The following DNMT3A variants were observed in gnomAD, a reference collection of about 807,000 sequenced individuals.
The protein encoded by DNMT3A is DNA (cytosine-5)-methyltransferase 3A.
In DNMT3A, 267 loss-of-function variants were observed where a neutral mutation model predicts 117.6. That is an observed-to-expected ratio of 2.27 (90% CI 2.05 to 2.51). The LOEUF is 2.51. Ranked by LOEUF, DNMT3A falls within the 30% of genes most tolerant of loss-of-function variation. The probability of loss-of-function intolerance (pLI) is 0.00; values close to 1 mark genes in which losing one functional copy is unlikely to be tolerated. For synonymous variants in DNMT3A, 432 were observed against 474.8 expected (o/e 0.91, Z 1.17); for missense variants, 1,029 against 1,260.2 (o/e 0.82, Z 2.78).
At chr2:25,321,891 A>G (rs2034611669) in intron 1 of DNMT3A, among the ~76,000 whole-genome samples, 1 of 152,250 alleles carries the variant, frequency 6.6e-6, no homozygotes, top group African/African-American at 2.4e-5. Flanking sequence ...TCTCAAAACA[A>G]TCAACAACAA....
Position 25,306,754 on chromosome 2 carries a change from T to TA in DNMT3A, c.73-6512dup, listed in dbSNP as rs909281050. ...CACAAGGCCAGACACAGGGGTGCAC[T>TA]AAAAAAATCTATTGAGCACCTACTG... On this transcript the variant is annotated intron_variant, in intron 2 of 22. Coordinates refer to ENST00000321117, the MANE Select transcript of DNMT3A (RefSeq NM_022552.5). The surrounding 1 kb of genome is among the most constrained non-coding windows in gnomAD (Gnocchi z 4.1). 5.3e-5 allele frequency among the ~76,000 whole-genome samples: 8 copies of TA among 152,136 alleles called. No homozygotes were observed. The highest frequency in any genetic ancestry group is 1.9e-4 in the African/African-American group (8 of 41,412).
In DNMT3A at chr2:25,230,657, G is replaced by T; in HGVS notation, c.*3622C>A. ...TCCCCAGAGGCCCCAGCGTTGAGGTGGATTAAGCATATCTCAGCTTGGCCA... is the reference window on the plus strand; with the variant it reads ...TCCCCAGAGGCCCCAGCGTTGAGGTTGATTAAGCATATCTCAGCTTGGCCA... On this transcript the variant is annotated 3_prime_UTR_variant, in exon 23 of 23. Coordinates refer to ENST00000321117, the MANE Select transcript of DNMT3A (RefSeq NM_022552.5). The T allele has an allele frequency of 6.6e-6, 1 of 152,526 alleles. No individual in the cohort carries two copies. 9.4% of individuals were successfully genotyped at this position (152,526 alleles called of 1,614,324 possible).
chr2:25,247,835 C>T lies in DNMT3A; in HGVS notation c.856-86G>A. ...CCCCCATGGCAACCCCAGCCCTGGG[C>T]ATCTGGGGGGCAGGACAGCCAGGAG... On this transcript the variant is annotated intron_variant, in intron 7 of 22. Coordinates refer to ENST00000321117, the MANE Select transcript of DNMT3A (RefSeq NM_022552.5). This position sits in a 1 kb window ranked among gnomAD's most constrained non-coding sequence, Gnocchi z 5.6. 1 of 1,562,164 alleles carries T rather than the reference C, an allele frequency of 6.4e-7. No individual in the cohort carries two copies. Among genetic ancestry groups the T allele is most frequent in the Non-Finnish European group, 8.6e-7 (1 of 1,157,742 alleles).
At chr2:25,248,475 C>T (rs1304486986) in intron 6 of DNMT3A, among the ~76,000 whole-genome samples, 1 of 152,218 alleles carries the variant, frequency 6.6e-6, no homozygotes, top group Non-Finnish European at 1.5e-5. Flanking sequence ...TTTTAGGAAA[C>T]CTTCCTCCCA....
chr2:25,273,695 C>T (rs2031144605), intron 6 of DNMT3A, among the ~76,000 whole-genome samples: 1 of 152,168 alleles, frequency 6.6e-6, no homozygotes, highest in African/African-American at 2.4e-5. Context: ...TGGCTGAAGC[C>T]CTCCACGGGC....
chr2:25,235,926 A>AG lies in DNMT3A; in HGVS notation c.2479-102dup. On this transcript the variant is annotated intron_variant, in intron 21 of 22. Coordinates refer to ENST00000321117, the MANE Select transcript of DNMT3A (RefSeq NM_022552.5). The stretch of plus-strand genomic sequence containing the variant: ...TGCCAGGTACTCGCCAAACCCTGAC[A>AG]GGGCCTGGTCCACCCAGGGGGCTGG... 3 of 1,118,744 alleles carry AG rather than the reference A, an allele frequency of 2.7e-6. No individual in the cohort carries two copies. In the South Asian group the frequency reaches 3.7e-5, roughly 14 times the overall value. 69.3% of individuals were successfully genotyped at this position (1,118,744 alleles called of 1,614,324 possible).
chr2:25,282,498 C>G lies in DNMT3A; in HGVS notation c.391G>C (p.Ala131Pro). 2.5e-6 allele frequency: 4 copies of G among 1,613,464 alleles called. No homozygotes were observed. The highest frequency in any genetic ancestry group is 3.4e-6 in the Non-Finnish European group (4 of 1,179,930). ...GGGGTGCAGCAGCCATTTTCCACTGCTCTTGAGGCTTCAGGCAGGGTCTCA... is the reference window on the plus strand; with the variant it reads ...GGGGTGCAGCAGCCATTTTCCACTGGTCTTGAGGCTTCAGGCAGGGTCTCA... Reference protein sequence around the residue: ...AAETLPEASRAVENGCCTPKE... With the variant: ...AAETLPEASRPVENGCCTPKE... The change falls in exon 4 of 23, where the codon GCA becomes CCA. Residue 131 changes from alanine (A) to proline (P), a missense_variant. By Grantham distance (27) the Ala-to-Pro change is conservative (BLOSUM62 -1). Transcript: ENST00000321117. The surrounding 1 kb of genome is among the most constrained non-coding windows in gnomAD (Gnocchi z 5.2).
chr2:25,317,992 C>A (rs1013341591), intron 1 of DNMT3A, among the ~76,000 whole-genome samples: 1 of 152,220 alleles, frequency 6.6e-6, no homozygotes, highest in African/African-American at 2.4e-5. Context: ...ACGTCAGCCT[C>A]CCAAAGTGCT....
chr2:25,281,480 G>A lies in DNMT3A; in HGVS notation c.448+961C>T. 1 of 1,052,060 alleles carries A rather than the reference G, an allele frequency of 9.5e-7. No individual in the cohort carries two copies. Among genetic ancestry groups the A allele is most frequent in the East Asian group, 5.4e-5 (1 of 18,574 alleles). 65.2% of individuals were successfully genotyped at this position (1,052,060 alleles called of 1,614,324 possible). ...GTTTGGAAATTTGTATTCTGGAAATGTTCTCTATCCTGCATGAACATTAGG... is the reference window on the plus strand; with the variant it reads ...GTTTGGAAATTTGTATTCTGGAAATATTCTCTATCCTGCATGAACATTAGG... On this transcript the variant is annotated intron_variant, in intron 4 of 22. Coordinates refer to ENST00000321117, the MANE Select transcript of DNMT3A (RefSeq NM_022552.5). This position sits in a 1 kb window ranked among gnomAD's most constrained non-coding sequence, Gnocchi z 4.8.
chr2:25,325,126 G>A (rs1002282086), intron 1 of DNMT3A, among the ~76,000 whole-genome samples: 2 of 151,508 alleles, frequency 1.3e-5, no homozygotes, highest in Non-Finnish European at 2.9e-5. Context: ...CCATGACACA[G>A]CCCCAAAAGT....
At chr2:25,244,491 G>T in intron 14 of DNMT3A, 49 bp downstream of exon 14, 1 of 1,604,856 alleles carries the variant, frequency 6.2e-7, no homozygotes, top group African/African-American at 1.3e-5. Context: ...TGGGCGGCGG[G>T]AGCCTGGGGC....
rs1672924759 is a variant in DNMT3A, at chr2:25,232,554, G to A, written c.*1725C>T. 1 of 152,640 alleles carries A rather than the reference G, an allele frequency of 6.6e-6. No individual in the cohort carries two copies. The highest frequency in any genetic ancestry group is 2.1e-4 in the South Asian group (1 of 4,830). 9.5% of individuals were successfully genotyped at this position (152,640 alleles called of 1,614,324 possible). On this transcript the variant is annotated 3_prime_UTR_variant, in exon 23 of 23. Transcript: ENST00000321117. The surrounding 1 kb of genome is among the most constrained non-coding windows in gnomAD (Gnocchi z 4.1). Reference sequence around the variant, plus strand: ...TCCAGCCCTGACACACCCGACTCAAGAGGAGGGGAAGTAGAAGAGAAGAGT... The same window carrying A: ...TCCAGCCCTGACACACCCGACTCAAAAGGAGGGGAAGTAGAAGAGAAGAGT...
chr2:25,294,538 C>A lies in DNMT3A; in HGVS notation c.177+5601G>T, dbSNP rs1259313484. Among the ~76,000 whole-genome samples the A allele has an allele frequency of 6.6e-6, 1 of 152,170 alleles. No individual in the cohort carries two copies. Among genetic ancestry groups the A allele is most frequent in the Non-Finnish European group, 1.5e-5 (1 of 68,020 alleles). ...TTATATGCATAAAAGGTAGGGGCAC[C>A]ATATCACCCAGCCGAGGTCCGGAGG... On this transcript the variant is annotated intron_variant, in intron 3 of 22. Transcript: ENST00000321117. The surrounding 1 kb of genome is among the most constrained non-coding windows in gnomAD (Gnocchi z 4.7).
chr2:25,301,609 C>T (rs1213620701), intron 2 of DNMT3A, among the ~76,000 whole-genome samples: 1 of 152,218 alleles, frequency 6.6e-6, no homozygotes, highest in African/African-American at 2.4e-5. Flanking sequence ...CTCACTACTC[C>T]AGCCTGGCCA....
At chr2:25,251,168 GT>G (rs1187880088) in intron 6 of DNMT3A, among the ~76,000 whole-genome samples, 40 of 130,002 alleles carry the variant, frequency 3.1e-4, no homozygotes, top group Admixed American at 6.0e-4. Flanking sequence ...GGGGGGGTGG[GT>G]GAGCAGCAGG....
chr2:25,341,127 CCGGCCCGGCCCCGCCATCACCCCT>C (rs1372173921), intron 1 of DNMT3A, among the ~76,000 whole-genome samples: 8 of 145,716 alleles, frequency 5.5e-5, no homozygotes, highest in Non-Finnish European at 1.1e-4. Flanking sequence ...GCGGCGCTCC[CCGGCCCGGCCCCGCCATCACCCCT>C]CGGCCCGCCC....
rs1573524720 is a variant in DNMT3A, at chr2:25,341,892, C to G, written c.-244G>C. On this transcript the variant is annotated 5_prime_UTR_variant, in exon 1 of 23. Coordinates refer to ENST00000321117, the MANE Select transcript of DNMT3A (RefSeq NM_022552.5). ...GGTGCCGCGGCGCCGCGTCCCGGCT[C>G]GTCCTCTGCTCTCGCCGCCGCCGCC... The G allele has an allele frequency of 1.0e-6, 1 of 980,350 alleles. No homozygotes were observed. Among genetic ancestry groups the G allele is most frequent in the South Asian group, 4.5e-5 (1 of 22,062 alleles). The allele number at this position is 980,350 out of a possible 1,614,324, so 60.7% of individuals were successfully genotyped here.
At position 25,293,082 on chromosome 2, in the gene DNMT3A, C is replaced by A. The variant is rs2032880759; in HGVS notation, c.177+7057G>T. On this transcript the variant is annotated intron_variant, in intron 3 of 22. Coordinates refer to ENST00000321117, the MANE Select transcript of DNMT3A (RefSeq NM_022552.5). This position sits in a 1 kb window ranked among gnomAD's most constrained non-coding sequence, Gnocchi z 4.7. ...AAGTAAGACCAGCTATGTAAGGTGG[C>A]CTTGACAGGGGCCCCTTCCCCATCT... Among the ~76,000 whole-genome samples the A allele has an allele frequency of 6.6e-6, 1 of 152,134 alleles. No individual in the cohort carries two copies. Among genetic ancestry groups the A allele is most frequent in the Admixed American group, 6.5e-5 (1 of 15,278 alleles).
rs932402811 is a variant in DNMT3A at position 25,296,222 on chromosome 2, T to C, written c.177+3917A>G. On this transcript the variant is annotated intron_variant, in intron 3 of 22. Transcript: ENST00000321117. This position sits in a 1 kb window ranked among gnomAD's most constrained non-coding sequence, Gnocchi z 4.2. Reference sequence around the variant, plus strand: ...TCATTTTTATTAACTTTGGAGACAGTTGGAGAAGGGAAAGGCCAGTGTGGG... The same window carrying C: ...TCATTTTTATTAACTTTGGAGACAGCTGGAGAAGGGAAAGGCCAGTGTGGG... 1.3e-5 allele frequency among the ~76,000 whole-genome samples: 2 copies of C among 152,078 alleles called. No individual in the cohort carries two copies. The highest frequency in any genetic ancestry group is 2.9e-5 in the Non-Finnish European group (2 of 68,008).
Sources: allele counts gnomAD v4.1 joint callset (sites outside exome capture counted in the v4.1 genomes callset), GRCh38; gene constraint gnomAD v4.1.1; non-coding constraint Gnocchi (gnomAD v3.1); transcripts MANE v1.5; gene names NCBI Gene and HGNC (gene_info 2026-07-23, HGNC 2026-07-21).